DGKB: variants seen among roughly 807,000 people sequenced by gnomAD.
The protein encoded by DGKB is 90 kDa diacylglycerol kinase.
DGKB carries 67 observed loss-of-function variants against 114.3 expected under a neutral mutation model. The observed-to-expected ratio is 0.59, with a 90% CI of 0.48 to 0.72. The LOEUF (loss-of-function observed/expected upper bound fraction) is 0.72, where lower values mean the gene tolerates loss of function less well. Among genes scored for constraint, DGKB ranks in the 30% least tolerant of loss-of-function variants. The probability of loss-of-function intolerance (pLI) is 0.00; values close to 1 mark genes in which losing one functional copy is unlikely to be tolerated. For synonymous variants in DGKB, 398 were observed against 323.1 expected, an observed-to-expected ratio of 1.23 and a Z score of -2.49; for missense variants, 907 against 975.2, an observed-to-expected ratio of 0.93 and a Z score of 0.93.
chr7:14,826,208 A>G (rs966310874), intron 2 of DGKB, among the ~76,000 whole-genome samples: 1 of 152,122 alleles, frequency 6.6e-6, no homozygotes, highest in East Asian at 1.9e-4. Context: ...CCTGGGAGAA[A>G]TAGATCCTTT....
intron 25 of DGKB, among the ~76,000 whole-genome samples, chr7:14,159,719 G>C (rs1310496757): frequency 6.6e-6 from 1 of 152,094 alleles, no homozygotes; most frequent in African/African-American, 2.4e-5. Flanking sequence ...ACCCAGGATG[G>C]AGTGCAGTGG....
intron 15 of DGKB, among the ~76,000 whole-genome samples, chr7:14,618,512 T>G (rs1273904372): frequency 1.3e-5 from 2 of 151,704 alleles, no homozygotes; most frequent in African/African-American, 2.4e-5. Flanking sequence ...TCCTTATTTC[T>G]TCACATGTGG....
At chr7:14,245,467 A>G (rs1198804914) in intron 23 of DGKB, among the ~76,000 whole-genome samples, 1 of 152,186 alleles carries the variant, frequency 6.6e-6, no homozygotes, top group African/African-American at 2.4e-5. Flanking sequence ...TCACAGAGGT[A>G]GATTCTAGCC....
intron 1 of DGKB, among the ~76,000 whole-genome samples, chr7:14,916,642 A>G (rs2128245496): frequency 6.6e-6 from 1 of 152,224 alleles, no homozygotes; most frequent in Admixed American, 6.5e-5. Flanking sequence ...GCATTAAAGA[A>G]CATGAGGCAA....
intron 17 of DGKB, among the ~76,000 whole-genome samples, chr7:14,594,046 T>C (rs1802134248): frequency 6.6e-6 from 1 of 152,128 alleles, no homozygotes; most frequent in Admixed American, 6.6e-5. Context: ...CATACTATTC[T>C]ATAGAATTAG....
intron 15 of DGKB, among the ~76,000 whole-genome samples, chr7:14,613,969 T>C (rs1340739230): frequency 6.6e-6 from 1 of 152,144 alleles, no homozygotes; most frequent in Admixed American, 6.6e-5. Flanking sequence ...TGCTTTCTTT[T>C]CCTCCTTGCT....
chr7:14,447,223 A>AAATAG (rs59547553), intron 21 of DGKB, among the ~76,000 whole-genome samples: 13,768 of 152,004 alleles, frequency 0.091, 745 homozygotes, highest in East Asian at 0.21. Context: ...CACATGAAAG[A>AAATAG]AATAGAACTC....
chr7:14,680,801 C>A (rs967835766), intron 12 of DGKB, among the ~76,000 whole-genome samples: 3 of 151,734 alleles, frequency 2.0e-5, no homozygotes, highest in Non-Finnish European at 4.4e-5. Flanking sequence ...GCTTTGAAAG[C>A]TTTTCCATTA....
intron 21 of DGKB, among the ~76,000 whole-genome samples, chr7:14,414,091 G>C (rs933676467): frequency 6.6e-6 from 1 of 152,112 alleles, no homozygotes; most frequent in Admixed American, 6.6e-5. Flanking sequence ...ATATTAAATA[G>C]ATTACAGCAA....
intron 1 of DGKB, among the ~76,000 whole-genome samples, chr7:14,865,009 G>A (rs1176960208): frequency 3.9e-5 from 6 of 152,088 alleles, no homozygotes; most frequent in Non-Finnish European, 5.9e-5. Context: ...AAGAGTAGAC[G>A]CAAAAGTCAC....
At chr7:14,489,513 T>C (rs1475159131) in intron 20 of DGKB, among the ~76,000 whole-genome samples, 2 of 152,202 alleles carry the variant, frequency 1.3e-5, no homozygotes, top group African/African-American at 4.8e-5. Flanking sequence ...TCATTCAATC[T>C]GATAAAAGCT....
chr7:14,769,662 A>C (rs917815201), intron 2 of DGKB, among the ~76,000 whole-genome samples: 2 of 152,100 alleles, frequency 1.3e-5, no homozygotes, highest in Admixed American at 6.6e-5. Flanking sequence ...TTACTTTTTC[A>C]TAATTCTGGA....
At chr7:14,488,567 C>A (rs903800685) in intron 20 of DGKB, among the ~76,000 whole-genome samples, 1 of 151,628 alleles carries the variant, frequency 6.6e-6, no homozygotes, top group African/African-American at 2.4e-5. Context: ...CGCCTGTTAT[C>A]CCAGCACTTT....
At position 14,831,044 on chromosome 7, in the gene DGKB, G is replaced by T. The variant is rs929523; in HGVS notation, c.70+10150C>A. 9.2e-5 allele frequency among the ~76,000 whole-genome samples: 14 copies of T among 151,644 alleles called. No homozygotes were observed. The South Asian group carries it at 2.9e-3, about 32-fold the overall frequency. ...AGGTTCTATTAAACACAGCAATTAC[G>T]TGAATTCCCCTTCATTCTTCCTGGA... On this transcript the variant is annotated intron_variant, in intron 2 of 25. Coordinates refer to ENST00000402815, the MANE Select transcript of DGKB (RefSeq NM_001350709.2).
At chr7:14,612,138 G>GA (rs1318293142) in intron 16 of DGKB, among the ~76,000 whole-genome samples, 8 of 110,806 alleles carry the variant, frequency 7.2e-5, no homozygotes, top group East Asian at 5.8e-4. Context: ...CTGATGAAAA[G>GA]AAAAAATCTT....
Position 14,525,402 on chromosome 7 carries a change from T to C in DGKB, c.1771-47177A>G, listed in dbSNP as rs1040843982. On this transcript the variant is annotated intron_variant, in intron 20 of 25. Coordinates refer to ENST00000402815, the MANE Select transcript of DGKB (RefSeq NM_001350709.2). ...AATATTCTTAGTTTGAGTTAGACTT[T>C]TCTGGAAACAAGAATGACTGTTCTG... Among the ~76,000 whole-genome samples, 2 of 152,296 alleles carry C rather than the reference T, an allele frequency of 1.3e-5. 1 individual carries two copies. Among genetic ancestry groups the C allele is most frequent in the East Asian group, 3.9e-4 (2 of 5,174 alleles).
chr7:14,853,839 G>A (rs1849728958), intron 1 of DGKB, among the ~76,000 whole-genome samples: 1 of 126,890 alleles, frequency 7.9e-6, no homozygotes, highest in Non-Finnish European at 1.6e-5. Context: ...CTGCACTTCA[G>A]CCTGGGCGAC....
In DGKB at chr7:14,910,902, T is replaced by A. The variant is rs182052615; in HGVS notation, c.-188+63794A>T. ...ATTGATATTTTATATTAGCTTTAAA[T>A]GACCTGGGGGTGATAATTTAATAAC... On this transcript the variant is annotated intron_variant, in intron 1 of 4. Coordinates refer to the DGKB transcript ENST00000437998. 6.9e-3 allele frequency among the ~76,000 whole-genome samples: 1,058 copies of A among 152,290 alleles called. 16 individuals carry two copies. Among genetic ancestry groups the A allele is most frequent in the African/African-American group, 0.024 (1,005 of 41,576 alleles).
At chr7:14,379,095 T>A (rs912443713) in intron 21 of DGKB, among the ~76,000 whole-genome samples, 1 of 152,064 alleles carries the variant, frequency 6.6e-6, no homozygotes, top group East Asian at 1.9e-4. Flanking sequence ...CTGCAGACAA[T>A]TATGTCACAT....
Sources: gnomAD v4.1 joint callset for allele counts (sites outside exome capture counted in the v4.1 genomes callset) on GRCh38, gnomAD v4.1.1 for gene constraint, MANE v1.5 for transcripts, NCBI Gene and HGNC (gene_info 2026-07-23, HGNC 2026-07-21) for gene names.